Variants in XNDC1N observed in about 807,000 individuals in gnomAD.
XNDC1N encodes XRCC1 N-terminal domain containing 1, N-terminal like, also known as protein XNDC1N.
the XNDC1N span, among the ~76,000 whole-genome samples, chr11:71,904,660 G>T: frequency 6.6e-6 from 1 of 152,028 alleles, no homozygotes; most frequent in Non-Finnish European, 1.5e-5. Context: ...CACACTTTGT[G>T]CCATTCAAGG....
chr11:71,869,620 A>G, the XNDC1N span, among the ~76,000 whole-genome samples: 1 of 152,228 alleles, frequency 6.6e-6, no homozygotes, highest in Non-Finnish European at 1.5e-5. Flanking sequence ...CTTTCTTAAA[A>G]GGGCTATTTT....
the XNDC1N span, chr11:71,903,641 T>G: frequency 2.3e-6 from 1 of 430,700 alleles, no homozygotes; most frequent in East Asian, 4.2e-5. Context: ...TTGTCCTTGT[T>G]TTTTTTTTCT....
the XNDC1N span, chr11:71,914,422 C>T: frequency 4.4e-6 from 2 of 455,342 alleles, no homozygotes; most frequent in East Asian, 7.0e-5. Context: ...CATGGTGGCT[C>T]ATGCCTGTAA....
chr11:71,911,608 G>C, the XNDC1N span, among the ~76,000 whole-genome samples: 2 of 152,160 alleles, frequency 1.3e-5, no homozygotes, highest in East Asian at 1.9e-4. Context: ...CAGTGAGGGT[G>C]AGACTGTCAA....
chr11:71,906,385 C>T, the XNDC1N span, among the ~76,000 whole-genome samples: 2 of 151,990 alleles, frequency 1.3e-5, no homozygotes, highest in Non-Finnish European at 2.9e-5. Flanking sequence ...CCCCCTGCGT[C>T]ATTAAGAGTA....
the XNDC1N span, among the ~76,000 whole-genome samples, chr11:71,921,785 T>C: frequency 6.6e-6 from 1 of 152,156 alleles, no homozygotes; most frequent in Non-Finnish European, 1.5e-5. Context: ...TTTCAACTTA[T>C]AGAAGTGGAT....
the XNDC1N span, among the ~76,000 whole-genome samples, chr11:71,884,125 C>G: frequency 6.6e-6 from 1 of 152,152 alleles, no homozygotes; most frequent in Non-Finnish European, 1.5e-5. Context: ...TACACCACCC[C>G]CAAGCTGGAT....
At chr11:71,869,101 C>A in the XNDC1N span, among the ~76,000 whole-genome samples, 10 of 151,910 alleles carry the variant, frequency 6.6e-5, no homozygotes, top group African/African-American at 2.2e-4. Flanking sequence ...GTGCACAATG[C>A]GCAGGTTTGT....
the XNDC1N span, among the ~76,000 whole-genome samples, chr11:71,913,528 G>A: frequency 6.6e-6 from 1 of 151,990 alleles, no homozygotes; most frequent in East Asian, 1.9e-4. Context: ...GTGTGGTGGT[G>A]TGCGCCTATA....
At chr11:71,911,907 T>G in the XNDC1N span, among the ~76,000 whole-genome samples, 3 of 152,314 alleles carry the variant, frequency 2.0e-5, no homozygotes, top group South Asian at 6.2e-4. Context: ...CACCTGATCT[T>G]GGACCTACTT....
At chr11:71,884,599 A>C in the XNDC1N span, 2 of 1,566,512 alleles carry the variant, frequency 1.3e-6, no homozygotes, top group African/African-American at 1.4e-5. Flanking sequence ...CCAGGAGAAA[A>C]AACATGTCTT....
the XNDC1N span, among the ~76,000 whole-genome samples, chr11:71,873,316 G>A: frequency 3.3e-5 from 5 of 151,922 alleles, no homozygotes; most frequent in Non-Finnish European, 5.9e-5. Context: ...AGTGCTCTCC[G>A]TTTTTTCAGA....
At chr11:71,919,084 G>T in the XNDC1N span, 1 of 693,024 alleles carries the variant, frequency 1.4e-6, no homozygotes. Context: ...GAAAAAGGAT[G>T]CCCATGAATG....
At chr11:71,879,693 G>GCA in the XNDC1N span, among the ~76,000 whole-genome samples, 1 of 151,920 alleles carries the variant, frequency 6.6e-6, no homozygotes, top group Non-Finnish European at 1.5e-5. Flanking sequence ...TTAAAATTGT[G>GCA]CACCCCTCAC....
chr11:71,920,541 G>A, the XNDC1N span, among the ~76,000 whole-genome samples: 4 of 148,190 alleles, frequency 2.7e-5, no homozygotes, highest in East Asian at 8.2e-4. Context: ...CTGACCTCAG[G>A]TGATCTGCCC....
chr11:71,913,782 G>A, the XNDC1N span, among the ~76,000 whole-genome samples: 1 of 152,174 alleles, frequency 6.6e-6, no homozygotes, highest in East Asian at 1.9e-4. Flanking sequence ...TCTCGTTAGG[G>A]CTAATGCAGC....
the XNDC1N span, among the ~76,000 whole-genome samples, chr11:71,887,240 C>T: frequency 4.1e-4 from 62 of 152,266 alleles, no homozygotes; most frequent in African/African-American, 1.2e-3. Context: ...ATCGGAGCCA[C>T]GGGGGTTTCA....
chr11:71,896,524 T>G, the XNDC1N span, among the ~76,000 whole-genome samples: 1 of 152,264 alleles, frequency 6.6e-6, no homozygotes, highest in Non-Finnish European at 1.5e-5. Flanking sequence ...TTATGCTGGT[T>G]TTTAAGCTCT....
the XNDC1N span, among the ~76,000 whole-genome samples, chr11:71,912,001 A>G: frequency 6.6e-6 from 1 of 152,188 alleles, no homozygotes; most frequent in Non-Finnish European, 1.5e-5. Context: ...CAGATGGGAG[A>G]GTAACTGTGC....
Sources: allele counts gnomAD v4.1 joint callset (sites outside exome capture counted in the v4.1 genomes callset), GRCh38; gene constraint gnomAD v4.1.1; transcripts MANE v1.5; gene names NCBI Gene and HGNC (gene_info 2026-07-23, HGNC 2026-07-21).